The following SERGEF variants were observed in gnomAD, a reference collection of about 807,000 sequenced individuals.
The protein encoded by SERGEF is secretion-regulating guanine nucleotide exchange factor.
In SERGEF, 51 loss-of-function variants were observed where a neutral mutation model predicts 50.0. The ratio of observed to expected loss-of-function variants is 1.02; its 90% confidence interval spans 0.81 to 1.29. SERGEF has a LOEUF of 1.29. Ranked by LOEUF, SERGEF falls within the 50% of genes most tolerant of loss-of-function variation. The probability of loss-of-function intolerance (pLI) is 0.00; values close to 1 mark genes in which losing one functional copy is unlikely to be tolerated. For missense variants in SERGEF, 521 were observed against 557.0 expected (o/e 0.94, Z 0.65); for synonymous variants, 205 against 212.4 (o/e 0.97, Z 0.30).
intron 7 of SERGEF, among the ~76,000 whole-genome samples, chr11:17,989,063 CA>C (rs1853655999): frequency 6.6e-6 from 1 of 152,144 alleles, no homozygotes; most frequent in Non-Finnish European, 1.5e-5. Flanking sequence ...GTGTATGAGA[CA>C]CATTTCTCTA....
intron 9 of SERGEF, among the ~76,000 whole-genome samples, chr11:17,909,991 C>A (rs900367726): frequency 6.6e-6 from 1 of 152,170 alleles, no homozygotes; most frequent in Admixed American, 6.5e-5. Context: ...AGTTCCCTAT[C>A]TCTCATGCAC....
chr11:17,871,460 C>CAA (rs59785475), intron 10 of SERGEF, among the ~76,000 whole-genome samples: 20 of 93,156 alleles, frequency 2.1e-4, no homozygotes, highest in Non-Finnish European at 2.8e-4. Context: ...GACTCCATCT[C>CAA]AAAAAAAAAA....
rs140463808 is a variant in SERGEF, at chr11:17,831,526, A to G, written c.1049-43113T>C. Among the ~76,000 whole-genome samples, 128 of 152,342 alleles carry G rather than the reference A, an allele frequency of 8.4e-4. 1 individual carries two copies. The highest frequency in any genetic ancestry group is 2.9e-3 in the Admixed American group (45 of 15,306). On this transcript the variant is annotated intron_variant, in intron 10 of 10. Coordinates refer to ENST00000265965, the MANE Select transcript of SERGEF (RefSeq NM_012139.4). ...ATGAGTAAAATCATGAAGCCAGAAT[A>G]GTAGCTGGCAAATGGATCCCATTTC...
At chr11:17,911,290 T>A (rs1590192747) in intron 9 of SERGEF, among the ~76,000 whole-genome samples, 1 of 147,864 alleles carries the variant, frequency 6.8e-6, no homozygotes, top group South Asian at 2.1e-4. Context: ...CTCTGGGAAG[T>A]TTTTTGTTTA....
At chr11:17,821,141 G>A (rs1257229423) in intron 10 of SERGEF, among the ~76,000 whole-genome samples, 3 of 152,212 alleles carry the variant, frequency 2.0e-5, no homozygotes, top group African/African-American at 7.2e-5. Context: ...GAAGAGTCAA[G>A]AGAACTGTCT....
chr11:17,850,884 C>T (rs1276146271), intron 10 of SERGEF, among the ~76,000 whole-genome samples: 2 of 152,102 alleles, frequency 1.3e-5, no homozygotes, highest in East Asian at 3.8e-4. Flanking sequence ...GGCTGGGGGA[C>T]ATTTATTTCA....
At chr11:17,993,344 T>C (rs1165716144) in intron 6 of SERGEF, among the ~76,000 whole-genome samples, 1 of 152,204 alleles carries the variant, frequency 6.6e-6, no homozygotes, top group Non-Finnish European at 1.5e-5. Context: ...TAGAGACAGA[T>C]AAATAGACAT....
At chr11:17,967,539 G>A (rs1252181110) in intron 8 of SERGEF, among the ~76,000 whole-genome samples, 1 of 152,284 alleles carries the variant, frequency 6.6e-6, no homozygotes, top group Non-Finnish European at 1.5e-5. Flanking sequence ...TACCAAATCG[G>A]GGGCAGCAGT....
rs139904138 is a variant in SERGEF at position 17,868,185 on chromosome 11, T to A, written c.1048+10023A>T. Reference sequence around the variant, plus strand: ...TCAGGCTGTAAATTTTCTGAAACTTTATGCTCTGTTTCCCTTTTAAAACTG... The same window carrying A: ...TCAGGCTGTAAATTTTCTGAAACTTAATGCTCTGTTTCCCTTTTAAAACTG... On this transcript the variant is annotated intron_variant, in intron 10 of 10. Coordinates refer to ENST00000265965, the MANE Select transcript of SERGEF (RefSeq NM_012139.4). 1.8e-3 allele frequency among the ~76,000 whole-genome samples: 270 copies of A among 152,340 alleles called. 1 individual carries two copies. The highest frequency in any genetic ancestry group is 6.1e-3 in the African/African-American group (255 of 41,584).
chr11:17,903,185 T>G (rs919847184), intron 9 of SERGEF, among the ~76,000 whole-genome samples: 8 of 152,210 alleles, frequency 5.3e-5, no homozygotes, highest in Non-Finnish European at 1.0e-4. Flanking sequence ...CTAAGATAGA[T>G]AATTCAAAAT....
At position 17,809,856 on chromosome 11, in the gene SERGEF, C is replaced by T. The variant is rs1291601598; in HGVS notation, c.1049-21443G>A. On this transcript the variant is annotated intron_variant, in intron 10 of 10. Coordinates refer to ENST00000265965, the MANE Select transcript of SERGEF (RefSeq NM_012139.4). ...CCTGGTAGATGAATCTAGAATCCAACCCCAAGGATATGGCCAAAATATCCC... is the reference window on the plus strand; with the variant it reads ...CCTGGTAGATGAATCTAGAATCCAATCCCAAGGATATGGCCAAAATATCCC... Among the ~76,000 whole-genome samples, 4 of 152,106 alleles carry T rather than the reference C, an allele frequency of 2.6e-5. No individual in the cohort carries two copies. In the East Asian group the frequency reaches 7.7e-4, roughly 29 times the overall value.
At chr11:17,999,392 C>T in intron 5 of SERGEF, 1 of 315,472 alleles carries the variant, frequency 3.2e-6, no homozygotes, top group Non-Finnish European at 6.2e-6. Context: ...GCTGCATGTG[C>T]ATCTGCAATT....
intron 8 of SERGEF, among the ~76,000 whole-genome samples, chr11:17,975,341 T>C (rs549104748): frequency 1.3e-5 from 2 of 152,220 alleles, no homozygotes; most frequent in African/African-American, 4.8e-5. Flanking sequence ...GTGCCCTTGA[T>C]AAATGTGAGT....
chr11:17,804,521 G>A (rs995082432), intron 10 of SERGEF, among the ~76,000 whole-genome samples: 4 of 151,966 alleles, frequency 2.6e-5, no homozygotes, highest in African/African-American at 7.3e-5. Context: ...TTTGTTAGGT[G>A]CCTTCCTTCT....
intron 8 of SERGEF, among the ~76,000 whole-genome samples, chr11:17,978,333 T>C (rs1327570214): frequency 2.6e-5 from 4 of 152,232 alleles, no homozygotes; most frequent in African/African-American, 9.6e-5. Flanking sequence ...GTCTTCAGCA[T>C]GTCTCTGGCA....
chr11:17,926,935 C>T (rs942331152), intron 9 of SERGEF: 6 of 433,878 alleles, frequency 1.4e-5, no homozygotes, highest in Admixed American at 4.9e-5. Flanking sequence ...GCTCCTATGC[C>T]CCTCCCCAAC....
intron 10 of SERGEF, among the ~76,000 whole-genome samples, chr11:17,826,649 A>T (rs1216879729): frequency 6.6e-6 from 1 of 152,240 alleles, no homozygotes; most frequent in Non-Finnish European, 1.5e-5. Context: ...ATGCCACTAG[A>T]CTGCATGCTT....
At chr11:17,997,173 G>C (rs1009405602) in intron 5 of SERGEF, among the ~76,000 whole-genome samples, 3 of 152,150 alleles carry the variant, frequency 2.0e-5, no homozygotes, top group African/African-American at 7.2e-5. Flanking sequence ...CTCTAGCCTG[G>C]GCAACAGAAT....
At chr11:17,788,618 C>T (rs982072439) in intron 10 of SERGEF, among the ~76,000 whole-genome samples, 2 of 152,182 alleles carry the variant, frequency 1.3e-5, no homozygotes, top group Non-Finnish European at 2.9e-5. Context: ...GGCATGCTTC[C>T]CATTCCCACA....
Sources: allele counts gnomAD v4.1 joint callset (sites outside exome capture counted in the v4.1 genomes callset), GRCh38; gene constraint gnomAD v4.1.1; transcripts MANE v1.5; gene names NCBI Gene and HGNC (gene_info 2026-07-23, HGNC 2026-07-21).